The following WDR7 variants were observed in gnomAD, a reference collection of about 807,000 sequenced individuals.
WDR7 encodes WD repeat-containing protein 7.
WDR7 carries 46 observed loss-of-function variants against 169.4 expected under a neutral mutation model. That is an observed-to-expected ratio of 0.27 (90% CI 0.21 to 0.35). WDR7 has a LOEUF of 0.35. Ranked by LOEUF, WDR7 falls within the 10% of genes least tolerant of loss-of-function variation. WDR7 has a pLI of 1.00. For synonymous variants in WDR7, 612 were observed against 666.8 expected (o/e 0.92, Z 1.27); for missense variants, 1,534 against 1,859.3 (o/e 0.83, Z 3.22).
At chr18:57,020,639 T>C in intron 26 of WDR7, 106 bp from the exon 27 acceptor site, 1 of 984,954 alleles carries the variant, frequency 1.0e-6, no homozygotes, top group East Asian at 2.4e-5. Flanking sequence ...GATAACAGCA[T>C]CTAATACCCA....
intron 2 of WDR7, among the ~76,000 whole-genome samples, chr18:56,676,518 TCTTG>T (rs1392736280): frequency 6.6e-6 from 1 of 152,242 alleles, no homozygotes; most frequent in Admixed American, 6.5e-5. Flanking sequence ...CGATTTATTT[TCTTG>T]CTTTTTATTT....
rs1211021805 is a variant in WDR7 at position 57,001,037 on chromosome 18, A to G, written c.4165-19708A>G. Among the ~76,000 whole-genome samples the G allele has an allele frequency of 2.0e-5, 3 of 148,372 alleles. No individual in the cohort carries two copies. The East Asian group carries it at 6.2e-4, about 31-fold the overall frequency. On this transcript the variant is annotated intron_variant, in intron 26 of 27. Coordinates refer to ENST00000254442, the MANE Select transcript of WDR7 (RefSeq NM_015285.3). ...ACATAGTGTAAAACCATGAGACCCCATCTCTACAAAAGAGAGAGAGAGAGA... is the reference window on the plus strand; with the variant it reads ...ACATAGTGTAAAACCATGAGACCCCGTCTCTACAAAAGAGAGAGAGAGAGA...
At chr18:56,848,859 G>T (rs1174059775) in intron 20 of WDR7, among the ~76,000 whole-genome samples, 1 of 152,052 alleles carries the variant, frequency 6.6e-6, no homozygotes, top group Non-Finnish European at 1.5e-5. Context: ...CATACTTCCT[G>T]TACAGCTTGC....
intron 19 of WDR7, among the ~76,000 whole-genome samples, chr18:56,790,845 A>G (rs557947644): frequency 1.6e-4 from 24 of 152,120 alleles, no homozygotes; most frequent in Non-Finnish European, 3.4e-4. Flanking sequence ...CCTCTAGTAC[A>G]CAAACATAAA....
At chr18:56,933,458 C>T (rs1178478716) in intron 22 of WDR7, among the ~76,000 whole-genome samples, 3 of 152,184 alleles carry the variant, frequency 2.0e-5, no homozygotes, top group Non-Finnish European at 4.4e-5. Context: ...TATGGCTGCT[C>T]TCCCTTACAA....
At chr18:56,843,616 C>T (rs924728718) in intron 20 of WDR7, among the ~76,000 whole-genome samples, 17 of 152,142 alleles carry the variant, frequency 1.1e-4, no homozygotes, top group Admixed American at 1.0e-3. Context: ...CTTTTGGCGA[C>T]TGTGAATAAT....
Position 56,816,216 on chromosome 18 carries a change from TG to T in WDR7, c.3304+74del, listed in dbSNP as rs147892370. ...TGCAAAATGTTTTCTAGGTTATTTG[TG>T]GTGGGATTAAGTATTTCGACGGAAA... On this transcript the variant is annotated intron_variant, in intron 20 of 27. Coordinates refer to ENST00000254442, the MANE Select transcript of WDR7 (RefSeq NM_015285.3). 5.4e-4 allele frequency: 733 copies of T among 1,346,630 alleles called. 9 individuals carry two copies. The African/African-American group carries it at 9.8e-3, about 18-fold the overall frequency. The allele number at this position is 1,346,630 out of a possible 1,614,324, so 83.4% of individuals were successfully genotyped here. A position where few individuals can be genotyped will look rare whatever the true frequency, so the allele number is the denominator to read the frequency against.
rs143963822 is a variant in WDR7 at position 56,730,763 on chromosome 18, C to T, written c.1775-620C>T. On this transcript the variant is annotated intron_variant, in intron 13 of 27. Coordinates refer to ENST00000254442, the MANE Select transcript of WDR7 (RefSeq NM_015285.3). ...CCTGGGCGACAGAGCGAGATTCTGT[C>T]TCAAAAAAATAAAAAATAAAAAATA... 2.1e-4 allele frequency among the ~76,000 whole-genome samples: 32 copies of T among 151,444 alleles called. 1 individual carries two copies. The highest frequency in any genetic ancestry group is 7.5e-4 in the African/African-American group (31 of 41,296).
At chr18:56,956,443 A>G (rs2047251571) in intron 25 of WDR7, among the ~76,000 whole-genome samples, 1 of 152,106 alleles carries the variant, frequency 6.6e-6, no homozygotes, top group Non-Finnish European at 1.5e-5. Context: ...TGGCTATGGC[A>G]TCCATGAGGG....
At chr18:56,665,161 C>T (rs1056289650) in intron 1 of WDR7, among the ~76,000 whole-genome samples, 52 of 152,004 alleles carry the variant, frequency 3.4e-4, no homozygotes, top group African/African-American at 1.1e-3. Context: ...GGACTAGTAG[C>T]GGGCGCCTGT....
At chr18:56,701,844 C>T (rs893102469) in intron 12 of WDR7, among the ~76,000 whole-genome samples, 14 of 152,094 alleles carry the variant, frequency 9.2e-5, no homozygotes, top group Non-Finnish European at 1.8e-4. Context: ...TTTTTGGTTC[C>T]CTTAACCTTG....
chr18:56,800,171 G>A (rs1260966671), intron 19 of WDR7, among the ~76,000 whole-genome samples: 1 of 152,140 alleles, frequency 6.6e-6, no homozygotes, highest in East Asian at 1.9e-4. Context: ...TTCTTTAAAA[G>A]CTCTGCCAGA....
intron 22 of WDR7, among the ~76,000 whole-genome samples, chr18:56,935,582 A>G (rs377732869): frequency 6.6e-5 from 10 of 152,130 alleles, no homozygotes; most frequent in East Asian, 1.9e-4. Context: ...ACTGTTTTCA[A>G]TCTTCACGGT....
At chr18:56,707,081 A>C (rs995436308) in intron 12 of WDR7, among the ~76,000 whole-genome samples, 23 of 151,964 alleles carry the variant, frequency 1.5e-4, no homozygotes, top group African/African-American at 5.6e-4. Flanking sequence ...TCCTGGTTCA[A>C]GCGATTCTCT....
chr18:56,936,329 C>A (rs1173265748), intron 23 of WDR7: 1 of 155,278 alleles, frequency 6.4e-6, no homozygotes, highest in Non-Finnish European at 1.4e-5. Context: ...ATTGTTTTTC[C>A]TATTACTTGT....
intron 19 of WDR7, among the ~76,000 whole-genome samples, chr18:56,787,866 A>G (rs1915120586): frequency 6.6e-6 from 1 of 152,190 alleles, no homozygotes; most frequent in African/African-American, 2.4e-5. Flanking sequence ...AAAATAGTTT[A>G]AATATTAGTG....
intron 19 of WDR7, among the ~76,000 whole-genome samples, chr18:56,811,583 GT>G (rs903680743): frequency 1.3e-5 from 2 of 151,912 alleles, no homozygotes; most frequent in Non-Finnish European, 2.9e-5. Context: ...TTTCTCCTGA[GT>G]TTTTTTGGAA....
chr18:56,973,762 G>T (rs2047525109), intron 26 of WDR7, among the ~76,000 whole-genome samples: 1 of 152,174 alleles, frequency 6.6e-6, no homozygotes, highest in African/African-American at 2.4e-5. Flanking sequence ...CAAGGGTTGT[G>T]TCAAGATTTG....
At chr18:56,734,466 C>A (rs2469454) in intron 14 of WDR7, among the ~76,000 whole-genome samples, 14,514 of 148,910 alleles carry the variant, frequency 0.097, 854 homozygotes, top group Non-Finnish European at 0.14. Context: ...TGTCTTTAGA[C>A]GTTGTCAAAT....
Sources: allele counts gnomAD v4.1 joint callset (sites outside exome capture counted in the v4.1 genomes callset), GRCh38; gene constraint gnomAD v4.1.1; transcripts MANE v1.5; gene names NCBI Gene and HGNC (gene_info 2026-07-23, HGNC 2026-07-21).